ATP2B1: variants seen among roughly 807,000 people sequenced by gnomAD.
ATP2B1 encodes plasma membrane calcium-transporting ATPase 1.
Under a neutral mutation model 124.2 loss-of-function variants are expected in ATP2B1, and 14 were observed. The observed-to-expected ratio is 0.11, with a 90% CI of 0.07 to 0.18. ATP2B1 has a LOEUF of 0.18. Among genes scored for constraint, ATP2B1 ranks in the 10% least tolerant of loss-of-function variants. The pLI, the probability that ATP2B1 is intolerant of heterozygous loss-of-function variation, is 1.00. For synonymous variants in ATP2B1, 449 were observed against 492.4 expected (o/e 0.91, Z 1.17); for missense variants, 763 against 1,466.1 (o/e 0.52, Z 7.83).
chr12:89,627,637 A>G lies in ATP2B1; in HGVS notation c.967+41T>C. ...GGTATACAGTAGATTTTTGGATATA[A>G]TGAAAACAAGCTCACTGTACTTTTG... On this transcript the variant is annotated intron_variant, in intron 7 of 20. Transcript: ENST00000428670. 3 of 1,602,968 alleles carry G rather than the reference A, an allele frequency of 1.9e-6. No homozygotes were observed. The South Asian group carries it at 3.3e-5, about 18-fold the overall frequency.
At chr12:89,677,971 T>TACACACACACACACAC (rs869199593) in intron 1 of ATP2B1, among the ~76,000 whole-genome samples, 10 of 52,316 alleles carry the variant, frequency 1.9e-4, no homozygotes, top group Non-Finnish European at 3.6e-4. Context: ...TATATATATA[T>TACACACACACACACAC]ACACACACAC....
intron 1 of ATP2B1, among the ~76,000 whole-genome samples, chr12:89,698,607 A>C (rs928176335): frequency 6.6e-6 from 1 of 152,194 alleles, no homozygotes; most frequent in African/African-American, 2.4e-5. Context: ...CTTTAAGTGT[A>C]AAGTTTATTC....
chr12:89,674,806 T>C (rs1888416653), intron 1 of ATP2B1, among the ~76,000 whole-genome samples: 1 of 152,210 alleles, frequency 6.6e-6, no homozygotes, highest in African/African-American at 2.4e-5. Flanking sequence ...TTTGCATGTA[T>C]GTTATGGAGG....
At chr12:89,602,919 TTATA>T in intron 18 of ATP2B1, 120 bp downstream of exon 18, 1 of 792,262 alleles carries the variant, frequency 1.3e-6, no homozygotes, top group Non-Finnish European at 2.0e-6. Flanking sequence ...CACCATGATA[TTATA>T]TATGTCACCA....
At chr12:89,707,886 G>T (rs917259241) in intron 1 of ATP2B1, among the ~76,000 whole-genome samples, 1 of 152,200 alleles carries the variant, frequency 6.6e-6, no homozygotes, top group Non-Finnish European at 1.5e-5. Flanking sequence ...ACTGGAACGC[G>T]GTCCTCCTAC....
At chr12:89,623,073 T>TACC (rs35362048) in intron 9 of ATP2B1, among the ~76,000 whole-genome samples, 144,782 of 152,072 alleles carry the variant, frequency 0.95, 68,998 homozygotes, top group East Asian at 0.99. Context: ...TTGATACATT[T>TACC]ACTTTATTTT....
chr12:89,653,132 CAGTG>C (rs760420104), intron 2 of ATP2B1, among the ~76,000 whole-genome samples: 13 of 152,086 alleles, frequency 8.5e-5, no homozygotes, highest in Non-Finnish European at 1.3e-4. Flanking sequence ...TATATATAAA[CAGTG>C]AGGACAAGTT....
intron 1 of ATP2B1, among the ~76,000 whole-genome samples, chr12:89,692,533 A>G (rs1890670482): frequency 2.0e-5 from 3 of 152,196 alleles, no homozygotes; most frequent in Non-Finnish European, 2.9e-5. Flanking sequence ...AGATCAGAGA[A>G]ATGAATTAAT....
In ATP2B1 at chr12:89,662,192, A is replaced by G. The variant is rs534139700; in HGVS notation, c.-221-6085T>C. Reference sequence around the variant, plus strand: ...GTTTTATTATTACTCAGTCTTCCAAAAAGACTATGATCTTTCAACCTTCTT... The same window carrying G: ...GTTTTATTATTACTCAGTCTTCCAAGAAGACTATGATCTTTCAACCTTCTT... On this transcript the variant is annotated intron_variant, in intron 1 of 20. Transcript: ENST00000428670. Among the ~76,000 whole-genome samples, 11 of 151,940 alleles carry G rather than the reference A, an allele frequency of 7.2e-5. No homozygotes were observed. In the South Asian group the frequency reaches 8.3e-4, roughly 11 times the overall value.
chr12:89,679,236 T>C (rs1392117442), intron 1 of ATP2B1, among the ~76,000 whole-genome samples: 1 of 152,100 alleles, frequency 6.6e-6, no homozygotes, highest in Non-Finnish European at 1.5e-5. Context: ...TTATTTCACA[T>C]CTTAAAGGCT....
chr12:89,622,072 A>G (rs1379757495), intron 9 of ATP2B1, among the ~76,000 whole-genome samples: 1 of 152,032 alleles, frequency 6.6e-6, no homozygotes, highest in Non-Finnish European at 1.5e-5. Flanking sequence ...TCCGTACACA[A>G]ATAATACTGA....
intron 12 of ATP2B1, among the ~76,000 whole-genome samples, chr12:89,613,941 T>C (rs1202550786): frequency 1.3e-5 from 2 of 152,198 alleles, no homozygotes; most frequent in Non-Finnish European, 2.9e-5. Flanking sequence ...CTGTACAAAA[T>C]AAACTCAGAG....
At chr12:89,695,167 A>G (rs1221320244) in intron 1 of ATP2B1, among the ~76,000 whole-genome samples, 4 of 152,126 alleles carry the variant, frequency 2.6e-5, no homozygotes, top group East Asian at 3.9e-4. Flanking sequence ...CTTTACTTGT[A>G]TAAGAATAGC....
chr12:89,708,102 G>T (rs1892718444), intron 1 of ATP2B1, among the ~76,000 whole-genome samples: 1 of 152,150 alleles, frequency 6.6e-6, no homozygotes, highest in Non-Finnish European at 1.5e-5. Flanking sequence ...CCGACCAGGG[G>T]CCCCCGCTCC....
chr12:89,607,282 C>T (rs1877101922), intron 15 of ATP2B1, among the ~76,000 whole-genome samples: 1 of 152,206 alleles, frequency 6.6e-6, no homozygotes, highest in Non-Finnish European at 1.5e-5. Context: ...GCACCGCAAC[C>T]TCTTCTAGTT....
chr12:89,602,672 G>C (rs543867306), intron 18 of ATP2B1, among the ~76,000 whole-genome samples: 7 of 152,114 alleles, frequency 4.6e-5, no homozygotes, highest in Non-Finnish European at 1.0e-4. Flanking sequence ...ATTTGTACAA[G>C]TGATCTTAAT....
intron 1 of ATP2B1, among the ~76,000 whole-genome samples, chr12:89,690,973 A>T (rs753855761): frequency 2.5e-4 from 38 of 152,176 alleles, no homozygotes; most frequent in Non-Finnish European, 2.2e-4. Context: ...TTAGGCAAGC[A>T]CTTTAAGAAT....
intron 1 of ATP2B1, among the ~76,000 whole-genome samples, chr12:89,662,127 A>ATCTT (rs566243297): frequency 1.3e-5 from 2 of 150,768 alleles, no homozygotes; most frequent in Non-Finnish European, 3.0e-5. Context: ...AGAGACTATG[A>ATCTT]TCTTTCTTTC....
chr12:89,683,586 G>GT (rs1565911447), intron 1 of ATP2B1, among the ~76,000 whole-genome samples: 1 of 152,184 alleles, frequency 6.6e-6, no homozygotes, highest in East Asian at 1.9e-4. Flanking sequence ...ATTCTAGCCC[G>GT]TAACTATTCT....
Sources: allele counts gnomAD v4.1 joint callset (sites outside exome capture counted in the v4.1 genomes callset), GRCh38; gene constraint gnomAD v4.1.1; transcripts MANE v1.5; gene names NCBI Gene and HGNC (gene_info 2026-07-23, HGNC 2026-07-21).